The following SNX1 variants were observed in gnomAD, a reference collection of about 807,000 sequenced individuals.
The protein encoded by SNX1 is sorting nexin-1.
SNX1 carries 36 observed loss-of-function variants against 71.8 expected under a neutral mutation model. That is an observed-to-expected ratio of 0.50 (90% CI 0.38 to 0.66). The LOEUF is 0.66. SNX1 is among the 30% of genes least tolerant of loss of function. SNX1 has a pLI of 0.00. For synonymous variants in SNX1, 254 were observed against 240.7 expected (o/e 1.06, Z -0.51); for missense variants, 612 against 646.7 (o/e 0.95, Z 0.58).
At position 64,134,556 on chromosome 15, in the gene SNX1, C is replaced by G. The variant is rs374448296; in HGVS notation, c.1222-108C>G. ...CTAACATGTGGCTGCAGAACCTGCC[C>G]TTGCTCAGTCTGTCCCTGGTGCAGC... On this transcript the variant is annotated intron_variant, in intron 11 of 14. Transcript: ENST00000559844. This position sits in a 1 kb window ranked among gnomAD's most constrained non-coding sequence, Gnocchi z 4.1. The G allele has an allele frequency of 4.6e-5, 63 of 1,356,510 alleles. No individual in the cohort carries two copies. In the East Asian group the frequency reaches 1.0e-3, roughly 22 times the overall value. The allele number at this position is 1,356,510 out of a possible 1,614,324, so 84.0% of individuals were successfully genotyped here.
Position 64,143,595 on chromosome 15 carries a change from A to G in SNX1, c.*5977A>G, listed in dbSNP as rs1421967350. 6.6e-6 allele frequency: 1 copy of G among 152,198 alleles called. No individual in the cohort carries two copies. The highest frequency in any genetic ancestry group is 1.5e-5 in the Non-Finnish European group (1 of 68,052). The allele number at this position is 152,198 out of a possible 1,614,324, so 9.4% of individuals were successfully genotyped here. A position where few individuals can be genotyped will look rare whatever the true frequency, so the allele number is the denominator to read the frequency against. ...CGACACCTCATGGAAACTGATTGCA[A>G]ATGTGCTACTTCTCACTTCTGTGTG... On this transcript the variant is annotated 3_prime_UTR_variant, in exon 15 of 15. Coordinates refer to ENST00000559844, the MANE Select transcript of SNX1 (RefSeq NM_003099.5).
In SNX1 at chr15:64,138,623, G is replaced by A. The variant is rs1045866858; in HGVS notation, c.*1005G>A. 1 of 157,642 alleles carries A rather than the reference G, an allele frequency of 6.3e-6. No homozygotes were observed. The highest frequency in any genetic ancestry group is 2.4e-5 in the African/African-American group (1 of 41,464). The allele number at this position is 157,642 out of a possible 1,614,324, so 9.8% of individuals were successfully genotyped here. On this transcript the variant is annotated 3_prime_UTR_variant, in exon 15 of 15. Transcript: ENST00000559844. ...TTAGGAGGTTCAAAGAAGCTCTACT[G>A]TCTGTGCCCAGGAGGTAGCCTGCCA...
chr15:64,112,740 G>A (rs1256017350), intron 2 of SNX1, 56 bp downstream of exon 2: 1 of 1,155,052 alleles, frequency 8.7e-7, no homozygotes, highest in African/African-American at 1.6e-5. Context: ...TTGTTAAGTT[G>A]CTGAGTTAAA....
At chr15:64,101,579 A>G (rs762948428) in intron 1 of SNX1, among the ~76,000 whole-genome samples, 3 of 152,256 alleles carry the variant, frequency 2.0e-5, no homozygotes, top group East Asian at 1.9e-4. Flanking sequence ...GTGTGCAAAC[A>G]TCTCCTCAAA....
intron 9 of SNX1, 60 bp from the exon 10 acceptor site, chr15:64,130,168 A>AAAG (rs2081291963): frequency 6.6e-7 from 1 of 1,521,810 alleles, no homozygotes; most frequent in East Asian, 2.3e-5. Context: ...ACTGCTAAAG[A>AAAG]AAGACTGTAC....
Position 64,136,952 on chromosome 15 carries a change from C to T in SNX1, c.1518+20C>T. The T allele has an allele frequency of 1.9e-6, 3 of 1,604,196 alleles. No homozygotes were observed. The highest frequency in any genetic ancestry group is 2.6e-6 in the Non-Finnish European group (3 of 1,171,398). On this transcript the variant is annotated intron_variant, in intron 14 of 14. Coordinates refer to ENST00000559844, the MANE Select transcript of SNX1 (RefSeq NM_003099.5). ...CAGCAGGTATGTAAGTTGTGTGTGA[C>T]CTTCATCCTCTACTGCCTGCTCCAA...
chr15:64,123,211 C>T (rs1417904054), intron 4 of SNX1, among the ~76,000 whole-genome samples: 2 of 152,166 alleles, frequency 1.3e-5, no homozygotes, highest in African/African-American at 2.4e-5. Flanking sequence ...TCCAGTGCTG[C>T]TTTGTGGAGG....
rs2081434145 is a variant in SNX1, at chr15:64,143,410, A to G, written c.*5792A>G. ...TGGGGTCTTACGCCTTTATAACTCC[A>G]TGGGCCCCAGCAAAGGTTCAGGCTC... On this transcript the variant is annotated 3_prime_UTR_variant, in exon 15 of 15. Coordinates refer to ENST00000559844, the MANE Select transcript of SNX1 (RefSeq NM_003099.5). 6.6e-6 allele frequency: 1 copy of G among 152,178 alleles called. No homozygotes were observed. The highest frequency in any genetic ancestry group is 1.5e-5 in the Non-Finnish European group (1 of 68,032). The allele number at this position is 152,178 out of a possible 1,614,324, so 9.4% of individuals were successfully genotyped here.
chr15:64,120,442 T>G (rs1004757406), intron 4 of SNX1, among the ~76,000 whole-genome samples: 2 of 151,898 alleles, frequency 1.3e-5, no homozygotes, highest in African/African-American at 4.8e-5. Context: ...CTGGCTAATT[T>G]TTTTATATTT....
intron 1 of SNX1, among the ~76,000 whole-genome samples, chr15:64,108,050 C>T (rs6494463): frequency 1.3e-5 from 2 of 151,712 alleles, no homozygotes; most frequent in South Asian, 2.1e-4. Flanking sequence ...AAAATTAGCC[C>T]GGCGTAGTGG....
rs781606451 is a variant in SNX1 at position 64,115,517 on chromosome 15, C to T, written c.272-2600C>T. 2.1e-4 allele frequency: 81 copies of T among 392,188 alleles called. 1 individual carries two copies. The highest frequency in any genetic ancestry group is 3.1e-4 in the Non-Finnish European group (63 of 203,742). 24.3% of individuals were successfully genotyped at this position (392,188 alleles called of 1,614,324 possible). On this transcript the variant is annotated intron_variant, in intron 2 of 14. Transcript: ENST00000559844. ...CATGTTTTAATATAAGTTTTGGCAT[C>T]TTTGTCACATGAATTTCAGTAGAAG...
intron 9 of SNX1, 23 bp from the exon 10 acceptor site, chr15:64,130,205 A>G (rs763145291): frequency 1.9e-6 from 3 of 1,607,110 alleles, no homozygotes; most frequent in Non-Finnish European, 2.6e-6. Context: ...ATCTCATTAA[A>G]GTTCTGGGCT....
At chr15:64,100,604 C>CAAAAAAAAA (rs34663775) in intron 1 of SNX1, among the ~76,000 whole-genome samples, 2 of 102,570 alleles carry the variant, frequency 1.9e-5, no homozygotes, top group African/African-American at 5.9e-5. Flanking sequence ...AACTCCATCT[C>CAAAAAAAAA]AAAAAAAAAA....
At chr15:64,136,525 C>T (rs1273455741) in intron 13 of SNX1, 115 bp downstream of exon 13, 13 of 853,604 alleles carry the variant, frequency 1.5e-5, no homozygotes, top group East Asian at 1.5e-4. Context: ...TGGCAGTTCT[C>T]GTGAGCAGGC....
At chr15:64,097,495 C>T (rs116520021) in intron 1 of SNX1, among the ~76,000 whole-genome samples, 15 of 152,270 alleles carry the variant, frequency 9.9e-5, no homozygotes, top group African/African-American at 3.6e-4. Flanking sequence ...ATTCCCTGCC[C>T]CCAAACCTTG....
chr15:64,136,484 C>A, intron 13 of SNX1, 74 bp downstream of exon 13: 2 of 1,306,602 alleles, frequency 1.5e-6, no homozygotes, highest in South Asian at 1.2e-5. Flanking sequence ...TTGTCCAACT[C>A]TGTTGGGTAA....
chr15:64,096,627 C>T (rs564838791), intron 1 of SNX1, among the ~76,000 whole-genome samples: 8 of 152,304 alleles, frequency 5.3e-5, no homozygotes, highest in Admixed American at 5.2e-4. Flanking sequence ...CTTTCTTTAG[C>T]CCAGCATTTA....
chr15:64,134,600 C>G lies in SNX1; in HGVS notation c.1222-64C>G, dbSNP rs543022059. The G allele has an allele frequency of 8.0e-5, 123 of 1,546,254 alleles. No individual in the cohort carries two copies. Among genetic ancestry groups the G allele is most frequent in the African/African-American group, 1.6e-4 (12 of 73,524 alleles). On this transcript the variant is annotated intron_variant, in intron 11 of 14. Transcript: ENST00000559844. This position sits in a 1 kb window ranked among gnomAD's most constrained non-coding sequence, Gnocchi z 4.1. ...GTGCAGCTGCTGGGAGAGCCTGCCT[C>G]GAGGCAGAGCCAGCAGAGCTCTTGA...
intron 5 of SNX1, among the ~76,000 whole-genome samples, chr15:64,125,803 A>T (rs2081245528): frequency 6.6e-6 from 1 of 152,196 alleles, no homozygotes; most frequent in Admixed American, 6.5e-5. Flanking sequence ...CCATGGCTTC[A>T]GATGTATTTG....
Sources: gnomAD v4.1 joint callset for allele counts (sites outside exome capture counted in the v4.1 genomes callset) on GRCh38, gnomAD v4.1.1 for gene constraint, Gnocchi (gnomAD v3.1) non-coding constraint, MANE v1.5 for transcripts, NCBI Gene and HGNC (gene_info 2026-07-23, HGNC 2026-07-21) for gene names.